The following BCR variants were observed in gnomAD, a reference collection of about 807,000 sequenced individuals.
BCR encodes breakpoint cluster region protein.
Under a neutral mutation model 138.6 loss-of-function variants are expected in BCR, and 58 were observed. That is an observed-to-expected ratio of 0.42 (90% CI 0.34 to 0.52). The LOEUF (loss-of-function observed/expected upper bound fraction) is 0.52. BCR is among the 20% of genes least tolerant of loss of function. The pLI is 0.06. For synonymous variants in BCR, 786 were observed against 730.1 expected (o/e 1.08, Z -1.23); for missense variants, 1,599 against 1,727.2 (o/e 0.93, Z 1.32).
At chr22:23,187,115 C>G (rs2072353273) in intron 1 of BCR, among the ~76,000 whole-genome samples, 1 of 152,196 alleles carries the variant, frequency 6.6e-6, no homozygotes, top group African/African-American at 2.4e-5. Flanking sequence ...TTACACATAG[C>G]ACATACTGGA....
intron 10 of BCR, among the ~76,000 whole-genome samples, chr22:23,286,279 A>G (rs2073711611): frequency 6.6e-6 from 1 of 152,172 alleles, no homozygotes; most frequent in Non-Finnish European, 1.5e-5. Context: ...CCCTCAATCA[A>G]AGGTTAGCCA....
At chr22:23,309,958 C>T (rs2146327082) in intron 17 of BCR, 1 of 346,424 alleles carries the variant, frequency 2.9e-6, no homozygotes, top group Non-Finnish European at 5.4e-6. Flanking sequence ...GAAAGCCAGG[C>T]ACAGTGCACC....
chr22:23,293,686 G>A (rs1031705530), intron 15 of BCR, among the ~76,000 whole-genome samples: 26 of 152,220 alleles, frequency 1.7e-4, no homozygotes, highest in Middle Eastern at 3.4e-3. Flanking sequence ...AGGCAGCCAC[G>A]GAAGCTCCGG....
chr22:23,240,394 G>A (rs1168402941), intron 1 of BCR, among the ~76,000 whole-genome samples: 1 of 150,836 alleles, frequency 6.6e-6, no homozygotes, highest in African/African-American at 2.4e-5. Context: ...GCTCACGCCT[G>A]TAATCCCAGC....
At chr22:23,275,211 A>G (rs1308518206) in intron 8 of BCR, among the ~76,000 whole-genome samples, 1 of 152,216 alleles carries the variant, frequency 6.6e-6, no homozygotes, top group African/African-American at 2.4e-5. Flanking sequence ...CAGGAAGGGC[A>G]TGGAGGAGGA....
chr22:23,229,843 G>C (rs182185525), intron 1 of BCR, among the ~76,000 whole-genome samples: 6 of 152,304 alleles, frequency 3.9e-5, no homozygotes, highest in African/African-American at 1.4e-4. Flanking sequence ...GGGGGCAGGG[G>C]CTTCACCTAT....
chr22:23,289,593 C>T lies in BCR; in HGVS notation c.2679C>T (p.His893=), dbSNP rs1337008909. 2.5e-6 allele frequency: 4 copies of T among 1,613,730 alleles called. No homozygotes were observed. The highest frequency in any genetic ancestry group is 1.3e-5 in the African/African-American group (1 of 74,680). ...CGTGTGTGAAACTCCAGACTGTCCA[C>T]AGCATTCCGCTGACCATCAATAAGG... ...TNSCVKLQTV[H]SIPLTINKED... Residue 893 remains histidine, a synonymous_variant, in exon 13 of 23, where the codon CAC becomes CAT. Transcript: ENST00000305877.
At chr22:23,272,415 T>G (rs2073519676) in intron 6 of BCR, among the ~76,000 whole-genome samples, 1 of 152,172 alleles carries the variant, frequency 6.6e-6, no homozygotes, top group African/African-American at 2.4e-5. Context: ...AAGAACATAC[T>G]TGGCATGTCT....
intron 15 of BCR, 99 bp from the exon 16 acceptor site, chr22:23,294,925 A>G (rs1320379601): frequency 2.0e-6 from 3 of 1,477,850 alleles, no homozygotes; most frequent in Non-Finnish European, 2.8e-6. Flanking sequence ...CCTCTGGGCC[A>G]GCAAGGGCAG....
At chr22:23,285,010 C>T (rs779474106) in intron 9 of BCR, 23 bp from the exon 10 acceptor site, 7 of 1,606,260 alleles carry the variant, frequency 4.4e-6, no homozygotes, top group African/African-American at 2.7e-5. Context: ...TGCATGTGAA[C>T]GTTCTTCTCT....
At chr22:23,289,952 A>G (rs534018170) in intron 13 of BCR, 5 of 507,576 alleles carry the variant, frequency 9.9e-6, no homozygotes, top group Non-Finnish European at 1.8e-5. Flanking sequence ...TCCTCCAGCT[A>G]CCTGCCAGCC....
In BCR at chr22:23,220,189, A is replaced by G. The variant is rs533223091; in HGVS notation, c.1280-33610A>G. ...GTGCTTGAACCACTTCACCCCTTGC[A>G]TGGGGACCAACAGGATCTACCTCCC... On this transcript the variant is annotated intron_variant, in intron 1 of 22. Transcript: ENST00000305877. Among the ~76,000 whole-genome samples, 9 of 152,318 alleles carry G rather than the reference A, an allele frequency of 5.9e-5. 1 individual carries two copies. In the East Asian group the frequency reaches 1.7e-3, roughly 29 times the overall value.
intron 15 of BCR, among the ~76,000 whole-genome samples, chr22:23,294,381 A>G (rs1315167444): frequency 6.6e-6 from 1 of 152,230 alleles, no homozygotes; most frequent in African/African-American, 2.4e-5. Flanking sequence ...GCATCGACAG[A>G]TCATTATCTT....
At chr22:23,250,257 G>A (rs556789398) in intron 1 of BCR, among the ~76,000 whole-genome samples, 97 of 152,252 alleles carry the variant, frequency 6.4e-4, no homozygotes, top group African/African-American at 2.3e-3. Flanking sequence ...TCATGGGCTC[G>A]GAAAGCACTC....
chr22:23,267,719 A>G (rs1220437580), intron 4 of BCR, among the ~76,000 whole-genome samples: 1 of 152,162 alleles, frequency 6.6e-6, no homozygotes, highest in Non-Finnish European at 1.5e-5. Flanking sequence ...TGTCTGCTGC[A>G]CTCACACAAG....
At chr22:23,237,855 G>A (rs1011156426) in intron 1 of BCR, among the ~76,000 whole-genome samples, 1 of 152,228 alleles carries the variant, frequency 6.6e-6, no homozygotes, top group Non-Finnish European at 1.5e-5. Flanking sequence ...GGAGCCCTCA[G>A]CCTCACACTG....
intron 1 of BCR, among the ~76,000 whole-genome samples, chr22:23,217,805 C>T (rs2072774098): frequency 6.6e-6 from 1 of 152,206 alleles, no homozygotes; most frequent in Non-Finnish European, 1.5e-5. Context: ...GTGTGGGATG[C>T]TCGTGAGACC....
At chr22:23,262,911 C>T (rs1052188275) in intron 4 of BCR, 55 of 1,097,026 alleles carry the variant, frequency 5.0e-5, no homozygotes, top group South Asian at 1.8e-4. Flanking sequence ...AGCGAGGACA[C>T]GCCCAAGAGA....
At chr22:23,225,414 C>T (rs538070320) in intron 1 of BCR, among the ~76,000 whole-genome samples, 15 of 152,350 alleles carry the variant, frequency 9.8e-5, no homozygotes, top group African/African-American at 2.4e-4. Context: ...GGAGGGCATG[C>T]GCTTTGCCAA....
Sources: gnomAD v4.1 joint callset for allele counts (sites outside exome capture counted in the v4.1 genomes callset) on GRCh38, gnomAD v4.1.1 for gene constraint, MANE v1.5 for transcripts, NCBI Gene and HGNC (gene_info 2026-07-23, HGNC 2026-07-21) for gene names.